The following PRKN variants were observed in gnomAD, a reference collection of about 807,000 sequenced individuals.
PRKN encodes parkin RBR E3 ubiquitin protein ligase, also known as E3 ubiquitin-protein ligase parkin.
PRKN carries 56 observed loss-of-function variants against 59.5 expected under a neutral mutation model. The ratio of observed to expected loss-of-function variants is 0.94; its 90% CI spans 0.76 to 1.18. The LOEUF is 1.18. Ranked by LOEUF, PRKN falls within the 50% of genes most tolerant of loss-of-function variation. The probability of loss-of-function intolerance (pLI) is 0.00; values close to 1 mark genes in which losing one functional copy is unlikely to be tolerated. For synonymous variants in PRKN, 250 were observed against 222.1 expected, an observed-to-expected ratio of 1.13 and a Z score of -1.12; for missense variants, 657 against 596.4, an observed-to-expected ratio of 1.10 and a Z score of -1.06.
rs1458169032 is a variant in PRKN at position 161,874,968 on chromosome 6, ATAATT to A, written c.735-89065_735-89061del. On this transcript the variant is annotated intron_variant, in intron 6 of 11. Transcript: ENST00000366898. ...ATTATAGGTACTTTATATATAATAT[ATAATT>A]TATTATATTATATACTTTATATATA... 4.3e-4 allele frequency among the ~76,000 whole-genome samples: 39 copies of A among 91,096 alleles called. 1 individual carries two copies. Among genetic ancestry groups the A allele is most frequent in the African/African-American group, 8.7e-4 (15 of 17,264 alleles). The allele number at this position is 91,096 out of a possible 152,430, so 59.8% of individuals were successfully genotyped here.
chr6:162,019,532 C>CTTAT (rs757466729), intron 5 of PRKN, among the ~76,000 whole-genome samples: 11 of 152,148 alleles, frequency 7.2e-5, no homozygotes, highest in Non-Finnish European at 1.3e-4. Flanking sequence ...CCCTGGAACG[C>CTTAT]TTATGGCTTA....
At chr6:162,043,221 TG>T (rs1382358605) in intron 5 of PRKN, among the ~76,000 whole-genome samples, 2 of 152,086 alleles carry the variant, frequency 1.3e-5, no homozygotes, top group Non-Finnish European at 2.9e-5. Context: ...CAGCAACACA[TG>T]GGAATTTTGG....
chr6:161,590,589 C>T (rs1488497257), intron 7 of PRKN, among the ~76,000 whole-genome samples: 1 of 151,538 alleles, frequency 6.6e-6, no homozygotes, highest in Non-Finnish European at 1.5e-5. Context: ...AAAAATTAGC[C>T]AGATGTGGTG....
At chr6:161,535,361 T>TA (rs113084752) in intron 9 of PRKN, among the ~76,000 whole-genome samples, 24,558 of 152,070 alleles carry the variant, frequency 0.16, 2,373 homozygotes, top group Middle Eastern at 0.28. Flanking sequence ...CTGTTAGAAA[T>TA]AAAAAAGAAG....
intron 3 of PRKN, among the ~76,000 whole-genome samples, chr6:162,242,991 A>C (rs1156657554): frequency 6.6e-6 from 1 of 152,036 alleles, no homozygotes; most frequent in Non-Finnish European, 1.5e-5. Flanking sequence ...CCTATTACCC[A>C]AAGAGCTGTT....
chr6:162,685,071 G>C (rs1261267070), intron 1 of PRKN, among the ~76,000 whole-genome samples: 1 of 152,142 alleles, frequency 6.6e-6, no homozygotes, highest in Non-Finnish European at 1.5e-5. Context: ...GTACAAACCA[G>C]TCACACTGCT....
rs1554292014 is a variant in PRKN at position 161,679,684 on chromosome 6, C to CTT, written c.871+106086_871+106087dup. On this transcript the variant is annotated intron_variant, in intron 7 of 11. Coordinates refer to ENST00000366898, the MANE Select transcript of PRKN (RefSeq NM_004562.3). ...GTTTATAATAGAACCACCCCCCCCCCTTTTTTTTTTTTAAGAAACAGGATT... is the reference window on the plus strand; with the variant it reads ...GTTTATAATAGAACCACCCCCCCCCCTTTTTTTTTTTTTTAAGAAACAGGATT... Among the ~76,000 whole-genome samples, 45 of 84,864 alleles carry CTT rather than the reference C, an allele frequency of 5.3e-4. 3 individuals are homozygous for CTT. In the East Asian group the frequency reaches 0.017, roughly 32 times the overall value. 55.7% of individuals were successfully genotyped at this position (84,864 alleles called of 152,430 possible).
chr6:161,449,633 G>T (rs1789639289), intron 9 of PRKN, among the ~76,000 whole-genome samples: 1 of 152,158 alleles, frequency 6.6e-6, no homozygotes, highest in Admixed American at 6.6e-5. Context: ...AAAACTGTTT[G>T]GTAGTTGCTG....
intron 4 of PRKN, among the ~76,000 whole-genome samples, chr6:162,180,900 C>G (rs1295371688): frequency 6.6e-6 from 1 of 152,122 alleles, no homozygotes; most frequent in East Asian, 1.9e-4. Flanking sequence ...CCCAGCTAGA[C>G]CAGAGATGGT....
At chr6:162,339,359 C>A (rs1331955608) in intron 2 of PRKN, among the ~76,000 whole-genome samples, 1 of 146,366 alleles carries the variant, frequency 6.8e-6, no homozygotes, top group Non-Finnish European at 1.5e-5. Flanking sequence ...AGCCCCCGCC[C>A]GGCCAGCCGC....
chr6:162,337,693 A>G (rs1210255384), intron 2 of PRKN, among the ~76,000 whole-genome samples: 5 of 152,150 alleles, frequency 3.3e-5, no homozygotes, highest in African/African-American at 1.2e-4. Context: ...TTGGCCCCAT[A>G]CGGGCTGTGA....
intron 7 of PRKN, among the ~76,000 whole-genome samples, chr6:161,721,214 A>G (rs1277932609): frequency 6.6e-6 from 1 of 152,274 alleles, no homozygotes; most frequent in African/African-American, 2.4e-5. Flanking sequence ...TATAAAATGT[A>G]TAAAAGTATA....
chr6:162,653,462 A>G (rs1276367722), intron 1 of PRKN, among the ~76,000 whole-genome samples: 1 of 152,208 alleles, frequency 6.6e-6, no homozygotes, highest in Non-Finnish European at 1.5e-5. Context: ...TAATCTTCTC[A>G]TAGAAAATCT....
chr6:162,371,870 G>A (rs1785787581), intron 2 of PRKN, among the ~76,000 whole-genome samples: 1 of 152,210 alleles, frequency 6.6e-6, no homozygotes, highest in South Asian at 2.1e-4. Flanking sequence ...TGGCAGCCCT[G>A]TGGGATGTTG....
chr6:162,118,609 G>A (rs907337932), intron 4 of PRKN, among the ~76,000 whole-genome samples: 4 of 152,158 alleles, frequency 2.6e-5, no homozygotes, highest in African/African-American at 7.2e-5. Flanking sequence ...TCCTAACCTT[G>A]AAATGCCCAA....
At position 161,360,405 on chromosome 6, in the gene PRKN, G is replaced by A. The variant is rs768976081; in HGVS notation, c.1168-200C>T. ...ACTCTCCCTGGCATGTGGCGTATGC[G>A]TAGGAGCGGGGAAGAGATTGTTTGG... is the stretch of plus-strand genomic sequence containing the variant. On this transcript the variant is annotated intron_variant, in intron 10 of 11. Coordinates refer to ENST00000366898, the MANE Select transcript of PRKN (RefSeq NM_004562.3). The surrounding 1 kb of genome is among the most constrained non-coding windows in gnomAD (Gnocchi z 5.1). 3.3e-5 allele frequency among the ~76,000 whole-genome samples: 5 copies of A among 152,214 alleles called. No individual in the cohort carries two copies. Among genetic ancestry groups the A allele is most frequent in the Non-Finnish European group, 5.9e-5 (4 of 68,032 alleles).
Position 161,920,115 on chromosome 6 carries a change from G to A in PRKN, c.734+53187C>T, listed in dbSNP as rs116019011. ...AACCATAACACCGGCTGGGCGTGCT[G>A]GTTCACGCCTATAATCCCAGCACTT... is the stretch of plus-strand genomic sequence containing the variant. On this transcript the variant is annotated intron_variant, in intron 6 of 11. Coordinates refer to ENST00000366898, the MANE Select transcript of PRKN (RefSeq NM_004562.3). Among the ~76,000 whole-genome samples the A allele has an allele frequency of 5.0e-3, 767 of 152,354 alleles. 7 individuals carry two copies. The highest frequency in any genetic ancestry group is 0.018 in the African/African-American group (745 of 41,584).
At chr6:161,938,186 T>C (rs1256014438) in intron 6 of PRKN, among the ~76,000 whole-genome samples, 1 of 152,194 alleles carries the variant, frequency 6.6e-6, no homozygotes, top group Non-Finnish European at 1.5e-5. Flanking sequence ...TGATTTTGCA[T>C]GGGTCCACAG....
chr6:161,746,280 T>A (rs1327347132), intron 7 of PRKN, among the ~76,000 whole-genome samples: 1 of 152,076 alleles, frequency 6.6e-6, no homozygotes, highest in Non-Finnish European at 1.5e-5. Context: ...GTAGGTGTTC[T>A]TCAAGATGGA....
Sources: gnomAD v4.1 joint callset for allele counts (sites outside exome capture counted in the v4.1 genomes callset) on GRCh38, gnomAD v4.1.1 for gene constraint, Gnocchi (gnomAD v3.1) non-coding constraint, MANE v1.5 for transcripts, NCBI Gene and HGNC (gene_info 2026-07-23, HGNC 2026-07-21) for gene names.